EPB41L3: variants seen among roughly 807,000 people sequenced by gnomAD.
EPB41L3 encodes erythrocyte membrane protein band 4.1 like 3.
A neutral mutation model predicts 127.1 loss-of-function variants in EPB41L3; 57 were observed. The observed-to-expected ratio is 0.45, with a 90% CI of 0.36 to 0.56. The LOEUF (loss-of-function observed/expected upper bound fraction) is 0.56, where lower values mean the gene tolerates loss of function less well. EPB41L3 is among the 20% of genes least tolerant of loss of function. EPB41L3 has a pLI of 0.00. For missense variants in EPB41L3, 1,273 were observed against 1,372.2 expected, an observed-to-expected ratio of 0.93 and a Z score of 1.14; for synonymous variants, 572 against 549.5, an observed-to-expected ratio of 1.04 and a Z score of -0.57.
chr18:5,419,817 G>A lies in EPB41L3; in HGVS notation c.1400C>T (p.Thr467Ile). Residue 467 changes from threonine (T) to isoleucine (I), a missense_variant, in exon 12 of 23, where the codon ACT becomes ATT. Coordinates refer to ENST00000341928, the MANE Select transcript of EPB41L3 (RefSeq NM_012307.5). Reference protein sequence around the residue: ...KGISQTNLITTVTPEKKAEEE... With the variant: ...KGISQTNLITIVTPEKKAEEE... ...CTCAGCCTTCTTCTCCGGAGTCACAGTGGTGATCAAGTTGGTCTGAGAGAT... is the reference window on the plus strand; with the variant it reads ...CTCAGCCTTCTTCTCCGGAGTCACAATGGTGATCAAGTTGGTCTGAGAGAT... 1.9e-6 allele frequency: 3 copies of A among 1,614,238 alleles called. No homozygotes were observed. Among genetic ancestry groups the A allele is most frequent in the Non-Finnish European group, 2.5e-6 (3 of 1,180,044 alleles).
At chr18:5,563,889 G>A (rs1315731704) in intron 3 of EPB41L3, among the ~76,000 whole-genome samples, 2 of 152,184 alleles carry the variant, frequency 1.3e-5, no homozygotes, top group Non-Finnish European at 2.9e-5. Flanking sequence ...CTCAGGAGAG[G>A]TTGAGACTAG....
At chr18:5,407,477 C>G in intron 15 of EPB41L3, 1 of 574,960 alleles carries the variant, frequency 1.7e-6, no homozygotes, top group Non-Finnish European at 3.1e-6. Flanking sequence ...CACATTTTCA[C>G]CCTTTATTCG....
intron 1 of EPB41L3, among the ~76,000 whole-genome samples, chr18:5,494,823 A>G (rs139858482): frequency 1.3e-5 from 2 of 152,306 alleles, no homozygotes; most frequent in Admixed American, 6.5e-5. Context: ...GGTGCGTGAG[A>G]GTGATGAGAG....
chr18:5,488,353 G>A (rs1229568545), intron 2 of EPB41L3, among the ~76,000 whole-genome samples: 1 of 151,848 alleles, frequency 6.6e-6, no homozygotes, highest in East Asian at 1.9e-4. Context: ...TCATAAGTGG[G>A]AGTCGAACAA....
chr18:5,609,754 G>A (rs2094704488), intron 3 of EPB41L3, among the ~76,000 whole-genome samples: 1 of 151,970 alleles, frequency 6.6e-6, no homozygotes, highest in South Asian at 2.1e-4. Context: ...GATAAGAGGT[G>A]TGTGATTTAT....
chr18:5,426,113 C>T (rs1048406645), intron 9 of EPB41L3, among the ~76,000 whole-genome samples: 1 of 152,130 alleles, frequency 6.6e-6, no homozygotes, highest in Non-Finnish European at 1.5e-5. Context: ...GTGGTATTAT[C>T]CAGAGTTCTA....
At chr18:5,616,217 G>A (rs956214859) in intron 1 of EPB41L3, among the ~76,000 whole-genome samples, 1 of 151,938 alleles carries the variant, frequency 6.6e-6, no homozygotes, top group African/African-American at 2.4e-5. Context: ...TACATCTCAA[G>A]CCCACTACGT....
chr18:5,425,323 G>T (rs78127447), intron 9 of EPB41L3, among the ~76,000 whole-genome samples: 1 of 152,086 alleles, frequency 6.6e-6, no homozygotes, highest in Admixed American at 6.6e-5. Context: ...TGCTTCAACC[G>T]CAATTGCCTT....
intron 3 of EPB41L3, among the ~76,000 whole-genome samples, chr18:5,594,251 C>G (rs2094515673): frequency 6.6e-6 from 1 of 152,168 alleles, no homozygotes; most frequent in Admixed American, 6.5e-5. Flanking sequence ...CCATGTTCTT[C>G]TGCCATGGCT....
At chr18:5,419,308 A>G (rs2077190917) in intron 12 of EPB41L3, among the ~76,000 whole-genome samples, 1 of 152,222 alleles carries the variant, frequency 6.6e-6, no homozygotes, top group Non-Finnish European at 1.5e-5. Context: ...AAGAATGGCA[A>G]TATGATAATT....
At chr18:5,456,642 T>C (rs1342163193) in intron 3 of EPB41L3, among the ~76,000 whole-genome samples, 4 of 152,240 alleles carry the variant, frequency 2.6e-5, no homozygotes, top group Admixed American at 2.6e-4. Flanking sequence ...TTGGTTTTTG[T>C]TTCTGATACA....
chr18:5,567,087 T>C (rs944257500), intron 3 of EPB41L3: 3 of 152,176 alleles, frequency 2.0e-5, no homozygotes, highest in Non-Finnish European at 4.4e-5. Flanking sequence ...ATTACAGGAG[T>C]GAGCCGCCTT....
intron 3 of EPB41L3, among the ~76,000 whole-genome samples, chr18:5,445,996 G>A (rs2081421015): frequency 6.6e-6 from 1 of 152,144 alleles, no homozygotes; most frequent in African/African-American, 2.4e-5. Flanking sequence ...AAAGGTTGGG[G>A]ACCGCAGCTC....
chr18:5,478,305 T>G lies in EPB41L3; in HGVS notation c.317A>C (p.Lys106Thr), dbSNP rs2087664730. ...CACTTTGCACTGCATGCTTTTAGGCTTTTTGACAATCTTTAATGGAGACCG... is the reference window on the plus strand; with the variant it reads ...CACTTTGCACTGCATGCTTTTAGGCGTTTTGACAATCTTTAATGGAGACCG... ...LSRSPLKIVK[K>T]PKSMQCKVIL... The change falls in exon 3 of 23, where the codon AAG becomes ACG. Residue 106 changes from lysine to threonine, a missense_variant. By Grantham distance (78) the Lys-to-Thr change is moderately conservative. Transcript: ENST00000341928. 1 of 1,614,180 alleles carries G rather than the reference T, an allele frequency of 6.2e-7. No homozygotes were observed. Among genetic ancestry groups the G allele is most frequent in the Admixed American group, 1.7e-5 (1 of 60,024 alleles).
At chr18:5,396,049 G>T in intron 19 of EPB41L3, 152 bp downstream of exon 19, 1 of 936,798 alleles carries the variant, frequency 1.1e-6, no homozygotes, top group South Asian at 1.5e-5. Flanking sequence ...CTAATAAAAT[G>T]ACCATTATTG....
At chr18:5,582,582 CTT>C (rs1239954803) in intron 3 of EPB41L3, among the ~76,000 whole-genome samples, 9 of 152,080 alleles carry the variant, frequency 5.9e-5, no homozygotes, top group Admixed American at 5.9e-4. Context: ...ACAAATGAAA[CTT>C]GGTATTTTTT....
At chr18:5,431,115 T>C (rs1463004383) in intron 8 of EPB41L3, 1 of 152,166 alleles carries the variant, frequency 6.6e-6, no homozygotes, top group Non-Finnish European at 1.5e-5. Context: ...TAAATGACTC[T>C]GACAAAGCCT....
At chr18:5,619,731 A>C (rs2144199677) in intron 1 of EPB41L3, among the ~76,000 whole-genome samples, 1 of 152,280 alleles carries the variant, frequency 6.6e-6, no homozygotes, top group Non-Finnish European at 1.5e-5. Context: ...GCCATGTATT[A>C]TTTTTTATTT....
intron 4 of EPB41L3, 51 bp from the exon 5 acceptor site, chr18:5,443,931 C>G: frequency 1.3e-6 from 2 of 1,504,664 alleles, no homozygotes; most frequent in South Asian, 2.3e-5. Flanking sequence ...ATAAAAATGA[C>G]TTAATGTTGA....
Sources: allele counts gnomAD v4.1 joint callset (sites outside exome capture counted in the v4.1 genomes callset), GRCh38; gene constraint gnomAD v4.1.1; transcripts MANE v1.5; gene names NCBI Gene and HGNC (gene_info 2026-07-23, HGNC 2026-07-21).